IGFBP7: variants seen among roughly 807,000 people sequenced by gnomAD.
IGFBP7 encodes insulin-like growth factor-binding protein 7.
A neutral mutation model predicts 29.4 loss-of-function variants in IGFBP7; 31 were observed. The observed-to-expected ratio is 1.05, with a 90% CI of 0.79 to 1.42. The LOEUF is 1.42. Among genes scored for constraint, IGFBP7 ranks in the 40% most tolerant of loss-of-function variants. The pLI, the probability that IGFBP7 is intolerant of heterozygous loss-of-function variation, is 0.00. For synonymous variants in IGFBP7, 172 were observed against 174.9 expected, an observed-to-expected ratio of 0.98 and a Z score of 0.13; for missense variants, 393 against 395.5, an observed-to-expected ratio of 0.99 and a Z score of 0.05.
chr4:57,067,748 A>G (rs1275570784), intron 1 of IGFBP7, among the ~76,000 whole-genome samples: 1 of 152,250 alleles, frequency 6.6e-6, no homozygotes. Flanking sequence ...TCCAAGATTC[A>G]AAGCAGTGAT....
chr4:57,100,067 C>CTTTTTTT, intron 1 of IGFBP7, among the ~76,000 whole-genome samples: 3 of 56,284 alleles, frequency 5.3e-5, no homozygotes, highest in Admixed American at 2.7e-4. Context: ...TTTTTCTTTT[C>CTTTTTTT]TTTCTTTTTT....
chr4:57,071,168 C>T (rs984632913), intron 1 of IGFBP7, among the ~76,000 whole-genome samples: 3 of 152,066 alleles, frequency 2.0e-5, no homozygotes, highest in African/African-American at 4.8e-5. Context: ...CAATGCAGTA[C>T]TCCAGATCCT....
chr4:57,056,871 T>C (rs1205166153), intron 1 of IGFBP7, among the ~76,000 whole-genome samples: 2 of 152,246 alleles, frequency 1.3e-5, no homozygotes, highest in African/African-American at 2.4e-5. Context: ...TTTGGCTAAT[T>C]TTAGGCAGTG....
intron 1 of IGFBP7, among the ~76,000 whole-genome samples, chr4:57,097,222 T>G (rs1482752200): frequency 6.6e-6 from 1 of 152,178 alleles, no homozygotes; most frequent in Non-Finnish European, 1.5e-5. Context: ...CTATTAAAAA[T>G]AATGTGAGTG....
At chr4:57,033,443 C>A in intron 2 of IGFBP7, 132 bp from the exon 3 acceptor site, 6 of 734,440 alleles carry the variant, frequency 8.2e-6, no homozygotes, top group Non-Finnish European at 1.3e-5. Flanking sequence ...TTTCACTGAA[C>A]TATTTCCCTT....
chr4:57,077,748 G>A (rs188950657), intron 1 of IGFBP7, among the ~76,000 whole-genome samples: 18 of 152,286 alleles, frequency 1.2e-4, no homozygotes, highest in South Asian at 2.1e-4. Flanking sequence ...GAACTGCCGC[G>A]TCACTCACAG....
intron 1 of IGFBP7, among the ~76,000 whole-genome samples, chr4:57,099,664 C>T (rs1247593393): frequency 1.3e-5 from 2 of 152,184 alleles, no homozygotes. Context: ...AATATTCATG[C>T]CAGCAGCCCT....
chr4:57,042,805 T>C (rs1309752791), intron 1 of IGFBP7, among the ~76,000 whole-genome samples: 1 of 152,242 alleles, frequency 6.6e-6, no homozygotes, highest in Non-Finnish European at 1.5e-5. Context: ...TGGCTGAGAC[T>C]GTATGGCTAA....
rs1002688670 is a variant in IGFBP7, at chr4:57,109,817, G to A, written c.475+60C>T. 8.1e-6 allele frequency: 12 copies of A among 1,487,900 alleles called. No individual in the cohort carries two copies. In the South Asian group the frequency reaches 9.0e-5, roughly 11 times the overall value. The allele number at this position is 1,487,900 out of a possible 1,614,324, so 92.2% of individuals were successfully genotyped here. ...GCGAGGCCGCCGCGGACGCCCCGTC[G>A]GATGTGCCCTTCGCTGGGCCGAGCG... On this transcript the variant is annotated intron_variant, in intron 1 of 4. Transcript: ENST00000295666.
At chr4:57,033,385 C>A in intron 2 of IGFBP7, 74 bp from the exon 3 acceptor site, 1 of 911,950 alleles carries the variant, frequency 1.1e-6, no homozygotes, top group Non-Finnish European at 1.9e-6. Flanking sequence ...CACATCCCTA[C>A]AATTGCACAT....
intron 1 of IGFBP7, among the ~76,000 whole-genome samples, chr4:57,061,612 A>G (rs968651944): frequency 6.6e-6 from 1 of 152,200 alleles, no homozygotes; most frequent in Non-Finnish European, 1.5e-5. Flanking sequence ...CAGCCTGGAC[A>G]GAGCTGGATG....
chr4:57,039,519 C>T (rs901533597), intron 2 of IGFBP7, among the ~76,000 whole-genome samples: 4 of 152,082 alleles, frequency 2.6e-5, no homozygotes, highest in African/African-American at 9.7e-5. Flanking sequence ...TACTGCTAAA[C>T]ATCTTCCAAA....
At chr4:57,096,331 G>A (rs1725763563) in intron 1 of IGFBP7, among the ~76,000 whole-genome samples, 1 of 149,564 alleles carries the variant, frequency 6.7e-6, no homozygotes, top group Non-Finnish European at 1.5e-5. Flanking sequence ...TGGATAAACT[G>A]AGCAAAAACT....
At chr4:57,038,270 C>G (rs1298437667) in intron 2 of IGFBP7, among the ~76,000 whole-genome samples, 1 of 152,206 alleles carries the variant, frequency 6.6e-6, no homozygotes, top group Non-Finnish European at 1.5e-5. Flanking sequence ...AAGGGAAGCC[C>G]TTTCTTTCCT....
At chr4:57,105,288 T>C (rs1398000132) in intron 1 of IGFBP7, among the ~76,000 whole-genome samples, 1 of 152,238 alleles carries the variant, frequency 6.6e-6, no homozygotes, top group Non-Finnish European at 1.5e-5. Context: ...GAAAATATGT[T>C]TCCTTGTTTC....
At chr4:57,056,134 G>A (rs1560496085) in intron 1 of IGFBP7, among the ~76,000 whole-genome samples, 1 of 152,040 alleles carries the variant, frequency 6.6e-6, no homozygotes, top group Admixed American at 6.6e-5. Context: ...CTCTTCTCCA[G>A]CTTGGCCCCT....
intron 1 of IGFBP7, among the ~76,000 whole-genome samples, chr4:57,072,462 G>A (rs934238597): frequency 6.6e-6 from 1 of 152,166 alleles, no homozygotes; most frequent in Admixed American, 6.5e-5. Context: ...GAGCCCAGGA[G>A]GTTGATGATA....
intron 1 of IGFBP7, among the ~76,000 whole-genome samples, chr4:57,074,834 T>C (rs189707129): frequency 1.7e-4 from 26 of 152,388 alleles, no homozygotes; most frequent in Admixed American, 4.6e-4. Context: ...TCATTTGGCA[T>C]AATCTGTGTT....
chr4:57,037,571 G>A (rs781707480), intron 2 of IGFBP7, among the ~76,000 whole-genome samples: 4 of 151,944 alleles, frequency 2.6e-5, no homozygotes, highest in Non-Finnish European at 5.9e-5. Flanking sequence ...GACTAGCCCT[G>A]AGGACAAGCA....
Sources: gnomAD v4.1 joint callset for allele counts (sites outside exome capture counted in the v4.1 genomes callset) on GRCh38, gnomAD v4.1.1 for gene constraint, MANE v1.5 for transcripts, NCBI Gene and HGNC (gene_info 2026-07-23, HGNC 2026-07-21) for gene names.